PLPPR1: variants seen among roughly 807,000 people sequenced by gnomAD.
PLPPR1 encodes the protein phospholipid phosphatase related 1.
A neutral mutation model predicts 33.1 loss-of-function variants in PLPPR1; 10 were observed. The observed-to-expected ratio is 0.30, with a 90% CI of 0.19 to 0.51. The LOEUF (loss-of-function observed/expected upper bound fraction) is 0.51, where lower values mean the gene tolerates loss of function less well. PLPPR1 is among the 20% of genes least tolerant of loss of function. The pLI is 0.97. For missense variants in PLPPR1, 304 were observed against 408.1 expected (o/e 0.74, Z 2.20); for synonymous variants, 151 against 151.0 (o/e 1.00, Z 0.00).
At chr9:101,090,902 T>C (rs1254436828) in intron 1 of PLPPR1, among the ~76,000 whole-genome samples, 1 of 152,012 alleles carries the variant, frequency 6.6e-6, no homozygotes, top group African/African-American at 2.4e-5. Flanking sequence ...ATCCTCTAAA[T>C]TCCACTGTTC....
At chr9:101,289,612 A>T (rs1047744927) in intron 4 of PLPPR1, among the ~76,000 whole-genome samples, 4 of 152,182 alleles carry the variant, frequency 2.6e-5, no homozygotes, top group African/African-American at 9.7e-5. Context: ...GTAGTGAATA[A>T]GTCTCAAAAT....
chr9:101,066,812 C>T (rs571915187), intron 1 of PLPPR1, among the ~76,000 whole-genome samples: 1 of 152,050 alleles, frequency 6.6e-6, no homozygotes, highest in African/African-American at 2.4e-5. Flanking sequence ...ATTCCTGGTC[C>T]TTTAATTGGA....
intron 1 of PLPPR1, among the ~76,000 whole-genome samples, chr9:101,181,704 A>G (rs539408864): frequency 5.2e-3 from 409 of 79,242 alleles, no homozygotes; most frequent in African/African-American, 0.021. Context: ...ACATATATAC[A>G]CACACCAAAT....
chr9:101,118,307 C>T (rs1831139225), intron 1 of PLPPR1, among the ~76,000 whole-genome samples: 1 of 152,152 alleles, frequency 6.6e-6, no homozygotes, highest in African/African-American at 2.4e-5. Context: ...AAAGAGAAAG[C>T]ACATAAATAT....
chr9:101,294,241 GA>G (rs1186202045), intron 4 of PLPPR1, among the ~76,000 whole-genome samples: 3 of 151,618 alleles, frequency 2.0e-5, no homozygotes, highest in African/African-American at 7.3e-5. Context: ...ACCCTCCCAA[GA>G]CTAAACCAGG....
intron 2 of PLPPR1, among the ~76,000 whole-genome samples, chr9:101,265,109 C>A (rs904938263): frequency 6.6e-6 from 1 of 152,166 alleles, no homozygotes; most frequent in Non-Finnish European, 1.5e-5. Context: ...GTGACCTTCA[C>A]AATTATTGCT....
intron 2 of PLPPR1, among the ~76,000 whole-genome samples, chr9:101,248,991 G>A (rs139623251): frequency 3.5e-4 from 53 of 151,988 alleles, no homozygotes; most frequent in African/African-American, 1.2e-3. Flanking sequence ...AAGATTAGAG[G>A]GTAAAAAACA....
At chr9:101,130,229 T>C (rs1831298268) in intron 1 of PLPPR1, among the ~76,000 whole-genome samples, 1 of 152,200 alleles carries the variant, frequency 6.6e-6, no homozygotes, top group Non-Finnish European at 1.5e-5. Context: ...CTATTCTGCA[T>C]CTCCCTTTAG....
chr9:101,316,421 A>G (rs971979897), intron 6 of PLPPR1, among the ~76,000 whole-genome samples: 34 of 151,936 alleles, frequency 2.2e-4, no homozygotes, highest in African/African-American at 8.2e-4. Flanking sequence ...TGGGTGACAG[A>G]GTGAGACTCT....
At chr9:101,265,085 C>G (rs1827963856) in intron 2 of PLPPR1, among the ~76,000 whole-genome samples, 1 of 152,200 alleles carries the variant, frequency 6.6e-6, no homozygotes, top group African/African-American at 2.4e-5. Context: ...TTCTCATCCT[C>G]TTCTCTCAGC....
At chr9:101,226,718 G>C (rs1252639994) in intron 2 of PLPPR1, among the ~76,000 whole-genome samples, 1 of 152,030 alleles carries the variant, frequency 6.6e-6, no homozygotes, top group Non-Finnish European at 1.5e-5. Flanking sequence ...TGGAGGCTGG[G>C]ATTTCAACAT....
In PLPPR1 at chr9:101,060,592, CTTG is replaced by C. The variant is rs1395323774; in HGVS notation, c.-46+31492_-46+31494del. Reference sequence around the variant, plus strand: ...CATACATGAATATGTATAACTTTTACTTGTCAATTAAAATAGAGGCTGAGTATT... The same window carrying C: ...CATACATGAATATGTATAACTTTTACTCAATTAAAATAGAGGCTGAGTATT... On this transcript the variant is annotated intron_variant, in intron 1 of 7. Coordinates refer to ENST00000374874, the MANE Select transcript of PLPPR1 (RefSeq NM_207299.2). Among the ~76,000 whole-genome samples, 4 of 151,896 alleles carry C rather than the reference CTTG, an allele frequency of 2.6e-5. No homozygotes were observed. In the East Asian group the frequency reaches 7.7e-4, roughly 29 times the overall value.
chr9:101,298,171 C>T (rs1303840188), intron 4 of PLPPR1, among the ~76,000 whole-genome samples: 1 of 152,128 alleles, frequency 6.6e-6, no homozygotes, highest in East Asian at 1.9e-4. Context: ...AATATGCAAA[C>T]ATTAGACTAT....
At chr9:101,066,180 T>C (rs972809561) in intron 1 of PLPPR1, among the ~76,000 whole-genome samples, 3 of 152,040 alleles carry the variant, frequency 2.0e-5, no homozygotes, top group Admixed American at 2.0e-4. Flanking sequence ...ATAATGTTTT[T>C]CAATTTGGGT....
At chr9:101,045,638 G>A (rs1830134377) in intron 1 of PLPPR1, among the ~76,000 whole-genome samples, 1 of 152,236 alleles carries the variant, frequency 6.6e-6, no homozygotes, top group African/African-American at 2.4e-5. Flanking sequence ...CAAGCCATGA[G>A]TGATGACAAC....
chr9:101,313,774 A>G (rs1250231919), intron 6 of PLPPR1, among the ~76,000 whole-genome samples: 2 of 152,206 alleles, frequency 1.3e-5, no homozygotes, highest in East Asian at 3.8e-4. Flanking sequence ...AATAAATGAC[A>G]CATCAAGTAT....
intron 2 of PLPPR1, among the ~76,000 whole-genome samples, chr9:101,256,997 A>C (rs7032436): frequency 0.051 from 7,748 of 152,064 alleles, 664 homozygotes; most frequent in African/African-American, 0.18. Context: ...TCCCAAATTC[A>C]GTTTCATGAA....
intron 1 of PLPPR1, among the ~76,000 whole-genome samples, chr9:101,120,440 C>A (rs542091473): frequency 6.6e-6 from 1 of 152,318 alleles, no homozygotes; most frequent in East Asian, 1.9e-4. Context: ...ATTTATTACA[C>A]CTTAAGGAAG....
intron 7 of PLPPR1, among the ~76,000 whole-genome samples, chr9:101,318,091 G>GA (rs1292350006): frequency 6.6e-6 from 1 of 152,184 alleles, no homozygotes; most frequent in African/African-American, 2.4e-5. Flanking sequence ...AGCACTTTTG[G>GA]AGGCCAAGGT....
Sources: gnomAD v4.1 joint callset for allele counts (sites outside exome capture counted in the v4.1 genomes callset) on GRCh38, gnomAD v4.1.1 for gene constraint, MANE v1.5 for transcripts, NCBI Gene and HGNC (gene_info 2026-07-23, HGNC 2026-07-21) for gene names.